SLC25A20: variants seen among roughly 807,000 people sequenced by gnomAD.
The protein encoded by SLC25A20 is mitochondrial carnitine/acylcarnitine carrier protein.
A neutral mutation model predicts 39.7 loss-of-function variants in SLC25A20; 29 were observed. The ratio of observed to expected loss-of-function variants is 0.73; its 90% CI spans 0.54 to 1.00. SLC25A20 has a LOEUF of 1.00. Ranked by LOEUF, SLC25A20 falls within the 50% of genes least tolerant of loss-of-function variation. The pLI, the probability that SLC25A20 is intolerant of heterozygous loss-of-function variation, is 0.00. For missense variants in SLC25A20, 333 were observed against 379.9 expected (o/e 0.88, Z 1.03); for synonymous variants, 103 against 142.2 (o/e 0.72, Z 1.96).
intron 4 of SLC25A20, among the ~76,000 whole-genome samples, chr3:48,876,326 G>C (rs2083756700): frequency 1.5e-5 from 2 of 135,000 alleles, no homozygotes; most frequent in South Asian, 5.2e-4. Flanking sequence ...TGAGCAACAA[G>C]AGCAAGACTC....
At chr3:48,872,410 A>G (rs1472289707) in intron 4 of SLC25A20, among the ~76,000 whole-genome samples, 1 of 151,518 alleles carries the variant, frequency 6.6e-6, no homozygotes, top group Non-Finnish European at 1.5e-5. Context: ...GATTACAGGT[A>G]TGAGCCACCA....
At chr3:48,875,610 A>G (rs564856692) in intron 4 of SLC25A20, among the ~76,000 whole-genome samples, 2 of 152,214 alleles carry the variant, frequency 1.3e-5, no homozygotes, top group East Asian at 1.9e-4. Context: ...GGGTTTCTCC[A>G]TATAGGCCAA....
intron 4 of SLC25A20, among the ~76,000 whole-genome samples, chr3:48,877,441 G>A (rs2083767015): frequency 6.6e-6 from 1 of 150,680 alleles, no homozygotes; most frequent in East Asian, 2.0e-4. Context: ...AGGAAAAAAA[G>A]AAAAGAGGGT....
chr3:48,893,852 G>GAAAAAAA (rs978467478), intron 1 of SLC25A20, among the ~76,000 whole-genome samples: 4 of 69,086 alleles, frequency 5.8e-5, no homozygotes, highest in Admixed American at 1.8e-4. Flanking sequence ...CTTTAAAAAA[G>GAAAAAAA]AAAAAAAAAA....
intron 2 of SLC25A20, among the ~76,000 whole-genome samples, chr3:48,890,501 T>C (rs2083864747): frequency 6.6e-6 from 1 of 151,730 alleles, no homozygotes; most frequent in Admixed American, 6.6e-5. Context: ...ATCTTTCTTA[T>C]AAGTGCATAG....
At chr3:48,859,508 C>T (rs778285321) in intron 6 of SLC25A20, 47 bp downstream of exon 6, 8 of 1,469,946 alleles carry the variant, frequency 5.4e-6, no homozygotes, top group South Asian at 1.1e-5. Flanking sequence ...GAGAGGGCAA[C>T]GCACCCATGA....
At chr3:48,885,978 C>T (rs2083826210) in intron 2 of SLC25A20, among the ~76,000 whole-genome samples, 1 of 151,996 alleles carries the variant, frequency 6.6e-6, no homozygotes, top group African/African-American at 2.4e-5. Flanking sequence ...AGATTTAACA[C>T]AATTATTAAC....
In SLC25A20 at chr3:48,898,858, G is replaced by A; in HGVS notation, c.-64C>T. 1.3e-6 allele frequency: 2 copies of A among 1,481,814 alleles called. No homozygotes were observed. Among genetic ancestry groups the A allele is most frequent in the Non-Finnish European group, 1.8e-6 (2 of 1,084,436 alleles). The allele number at this position is 1,481,814 out of a possible 1,614,324, so 91.8% of individuals were successfully genotyped here. ...CCGTCCTGGCTTCTCAGCCCCAGCT[G>A]CAGTGCCGGCGCCGCCGACCTTTCA... On this transcript the variant is annotated 5_prime_UTR_variant, in exon 1 of 9. Coordinates refer to ENST00000319017, the MANE Select transcript of SLC25A20 (RefSeq NM_000387.6).
chr3:48,898,745 C>T lies in SLC25A20; in HGVS notation c.50G>A (p.Gly17Asp). ...CACCAGGCACACGCCGCCAAAGCCG[C>T]CGGCCAGCAGGTTCTTGAGCGGGCT... ...PISPLKNLLA[G>D]GFGGVCLVFV... Residue 17 changes from glycine to aspartate, a missense_variant, in exon 1 of 9, where the codon GGC (glycine) becomes GAC (aspartate). Physicochemically the swap from Gly to Asp is moderately conservative, Grantham distance 94. Coordinates refer to ENST00000319017, the MANE Select transcript of SLC25A20 (RefSeq NM_000387.6). 6.2e-7 allele frequency: 1 copy of T among 1,608,370 alleles called. No individual in the cohort carries two copies. The highest frequency in any genetic ancestry group is 8.5e-7 in the Non-Finnish European group (1 of 1,177,854).
At chr3:48,874,875 C>T (rs1417529464) in intron 4 of SLC25A20, among the ~76,000 whole-genome samples, 3 of 150,904 alleles carry the variant, frequency 2.0e-5, no homozygotes, top group African/African-American at 4.9e-5. Flanking sequence ...GGTGAGACCC[C>T]CCCACCACCA....
chr3:48,890,160 A>G (rs1463205809), intron 2 of SLC25A20, among the ~76,000 whole-genome samples: 1 of 152,086 alleles, frequency 6.6e-6, no homozygotes, highest in Admixed American at 6.6e-5. Context: ...TGCTTCAGTG[A>G]TCACGCTCCT....
chr3:48,858,851 A>T (rs2083601445), intron 7 of SLC25A20, among the ~76,000 whole-genome samples: 1 of 152,222 alleles, frequency 6.6e-6, no homozygotes, highest in African/African-American at 2.4e-5. Flanking sequence ...CCTTCTGTTC[A>T]TGTGGGGGAG....
intron 1 of SLC25A20, among the ~76,000 whole-genome samples, chr3:48,897,876 G>A (rs1315214009): frequency 6.6e-6 from 1 of 152,188 alleles, no homozygotes; most frequent in African/African-American, 2.4e-5. Context: ...AAAACTGGAT[G>A]CAGCTTCGAG....
intron 7 of SLC25A20, 119 bp downstream of exon 7, chr3:48,858,973 G>A (rs2083602235): frequency 2.5e-6 from 2 of 802,528 alleles, no homozygotes; most frequent in Non-Finnish European, 2.1e-6. Flanking sequence ...TGGTCAGGCA[G>A]ATGCTAGGTG....
intron 4 of SLC25A20, among the ~76,000 whole-genome samples, chr3:48,867,046 C>T (rs191968913): frequency 2.6e-5 from 4 of 152,012 alleles, no homozygotes; most frequent in Non-Finnish European, 5.9e-5. Flanking sequence ...TCACCCGCCT[C>T]GGCCACCCAA....
chr3:48,858,442 A>G, intron 8 of SLC25A20, 65 bp downstream of exon 8: 1 of 1,611,502 alleles, frequency 6.2e-7, no homozygotes, highest in Non-Finnish European at 8.5e-7. Flanking sequence ...GAACAAGCAA[A>G]AGTCAAACCA....
chr3:48,893,948 G>A (rs983123986), intron 1 of SLC25A20, among the ~76,000 whole-genome samples: 1 of 151,258 alleles, frequency 6.6e-6, no homozygotes, highest in African/African-American at 2.4e-5. Flanking sequence ...ATAACCTGAG[G>A]TCAGGAGTTC....
Position 48,893,573 on chromosome 3 carries a change from G to A in SLC25A20, c.106-1501C>T, listed in dbSNP as rs1316924537. ...TATTGAGACAGGGTCTCACTGTCTC[G>A]CCCATGCTGGAGTGCAGTGGTATGA... is the stretch of plus-strand genomic sequence containing the variant. On this transcript the variant is annotated intron_variant, in intron 1 of 8. Coordinates refer to ENST00000319017, the MANE Select transcript of SLC25A20 (RefSeq NM_000387.6). 4.0e-5 allele frequency among the ~76,000 whole-genome samples: 6 copies of A among 151,694 alleles called. No homozygotes were observed. In the East Asian group the frequency reaches 7.8e-4, roughly 20 times the overall value.
At chr3:48,863,321 C>T (rs931591212) in intron 4 of SLC25A20, among the ~76,000 whole-genome samples, 21 of 152,232 alleles carry the variant, frequency 1.4e-4, no homozygotes, top group South Asian at 4.1e-4. Flanking sequence ...CCCTGAAGAC[C>T]AACTGCATTC....
Sources: gnomAD v4.1 joint callset for allele counts (sites outside exome capture counted in the v4.1 genomes callset) on GRCh38, gnomAD v4.1.1 for gene constraint, MANE v1.5 for transcripts, NCBI Gene and HGNC (gene_info 2026-07-23, HGNC 2026-07-21) for gene names.